C4orf51: variants seen among roughly 807,000 people sequenced by gnomAD.
C4orf51 encodes uncharacterized protein C4orf51.
C4orf51 carries 25 observed loss-of-function variants against 25.2 expected under a neutral mutation model. The observed-to-expected ratio is 0.99, with a 90% CI of 0.72 to 1.39. The LOEUF (loss-of-function observed/expected upper bound fraction) is 1.39. C4orf51 is among the 40% of genes most tolerant of loss of function. The pLI is 0.00. For synonymous variants in C4orf51, 100 were observed against 84.5 expected (o/e 1.18, Z -1.01); for missense variants, 252 against 239.6 (o/e 1.05, Z -0.34).
At chr4:145,777,203 G>T in the C4orf51 span, among the ~76,000 whole-genome samples, 1 of 152,194 alleles carries the variant, frequency 6.6e-6, no homozygotes, top group Non-Finnish European at 1.5e-5. Flanking sequence ...CAGGGGAGGA[G>T]CCCCACTGTC....
chr4:145,758,202 T>C (rs1456339645), downstream of C4orf51: 1 of 152,216 alleles, frequency 6.6e-6, no homozygotes, highest in Non-Finnish European at 1.5e-5. Flanking sequence ...TTGATGACTC[T>C]TTCCAAAGTG....
At chr4:145,725,915 A>G (rs533312472) in intron 2 of C4orf51, among the ~76,000 whole-genome samples, 104 of 152,294 alleles carry the variant, frequency 6.8e-4, no homozygotes, top group African/African-American at 2.0e-3. Flanking sequence ...AATTTTGTCA[A>G]TTTCAAGGTT....
At chr4:145,752,037 G>T (rs913740568) in intron 1 of C4orf51, among the ~76,000 whole-genome samples, 4 of 152,144 alleles carry the variant, frequency 2.6e-5, no homozygotes, top group Non-Finnish European at 4.4e-5. Flanking sequence ...GGACTCACCT[G>T]TCAGGGCAGT....
chr4:145,698,175 T>TC (rs1730193626), intron 2 of C4orf51, among the ~76,000 whole-genome samples: 1 of 152,226 alleles, frequency 6.6e-6, no homozygotes, highest in Non-Finnish European at 1.5e-5. Context: ...CAGTTTTTTT[T>TC]CTGCTATTTA....
chr4:145,723,104 C>A (rs1731833637), intron 2 of C4orf51, among the ~76,000 whole-genome samples: 1 of 152,062 alleles, frequency 6.6e-6, no homozygotes, highest in Non-Finnish European at 1.5e-5. Context: ...AACCATCACC[C>A]CTGCCCCTGC....
chr4:145,747,819 C>T (rs998708584), intron 1 of C4orf51, among the ~76,000 whole-genome samples: 2 of 150,904 alleles, frequency 1.3e-5, no homozygotes, highest in African/African-American at 4.9e-5. Context: ...CCCTCCCTCC[C>T]TCCTTCTTTC....
intron 2 of C4orf51, among the ~76,000 whole-genome samples, chr4:145,716,607 A>C (rs1731429531): frequency 6.6e-6 from 1 of 152,234 alleles, no homozygotes; most frequent in Non-Finnish European, 1.5e-5. Flanking sequence ...GTAATATCAA[A>C]TTAGGATTTG....
intron 2 of C4orf51, among the ~76,000 whole-genome samples, chr4:145,701,964 T>TC (rs569674719): frequency 6.6e-6 from 1 of 151,684 alleles, no homozygotes; most frequent in Non-Finnish European, 1.5e-5. Flanking sequence ...TCCTCTCATA[T>TC]CCCCCCACCT....
At chr4:145,728,273 G>A (rs558658313) in intron 3 of C4orf51, among the ~76,000 whole-genome samples, 4 of 151,800 alleles carry the variant, frequency 2.6e-5, no homozygotes, top group African/African-American at 4.8e-5. Flanking sequence ...CTAGTAGTGC[G>A]TGAGAGTGCC....
intron 1 of C4orf51, among the ~76,000 whole-genome samples, chr4:145,690,575 G>A (rs572934292): frequency 3.9e-5 from 6 of 152,030 alleles, no homozygotes; most frequent in Admixed American, 3.3e-4. Flanking sequence ...TGCCATAGGC[G>A]AAGAATTCAT....
At chr4:145,774,736 G>T, downstream of C4orf51, 1 of 1,538,428 alleles carries the variant, frequency 6.5e-7, no homozygotes, top group Non-Finnish European at 8.9e-7. Context: ...CTAAATGTAG[G>T]CTGTCCATTT....
chr4:145,696,950 T>C (rs1730102363), intron 2 of C4orf51, among the ~76,000 whole-genome samples: 1 of 151,754 alleles, frequency 6.6e-6, no homozygotes, highest in Admixed American at 6.6e-5. Flanking sequence ...GGCAGGAGAA[T>C]TGCTTGAACC....
In C4orf51 at chr4:145,765,496, G is replaced by A. The variant is rs555437405; in HGVS notation, n.167-5492G>A. 5 of 1,552,368 alleles carry A rather than the reference G, an allele frequency of 3.2e-6. No individual in the cohort carries two copies. The highest frequency in any genetic ancestry group is 4.3e-6 in the Non-Finnish European group (5 of 1,150,468). Reference sequence around the variant, plus strand: ...GTGCAGGGCTTATTCTCAAGAATGGGTCATCCTGGGTGCGGAGGGTTGAGC... The same window carrying A: ...GTGCAGGGCTTATTCTCAAGAATGGATCATCCTGGGTGCGGAGGGTTGAGC... On this transcript the variant is annotated intron_variant and non_coding_transcript_variant, in intron 1 of 1. Transcript: ENST00000510096. This position sits in a 1 kb window ranked among gnomAD's most constrained non-coding sequence, Gnocchi z 4.7.
chr4:145,776,025 A>G, downstream of C4orf51: 1 of 1,581,726 alleles, frequency 6.3e-7, no homozygotes, highest in Non-Finnish European at 8.7e-7. Flanking sequence ...AACACCTTGC[A>G]AGAATCAGTT....
the C4orf51 span, among the ~76,000 whole-genome samples, chr4:145,790,629 C>T: frequency 6.6e-6 from 1 of 152,192 alleles, no homozygotes; most frequent in Admixed American, 6.5e-5. Flanking sequence ...TTGGAATCCA[C>T]TGGTATCCTC....
rs1728773353 is a variant in C4orf51, at chr4:145,680,560, T to C, written c.233+124T>C. 5 of 688,726 alleles carry C rather than the reference T, an allele frequency of 7.3e-6. No homozygotes were observed. In the Admixed American group the frequency reaches 1.1e-4, roughly 16 times the overall value. 42.7% of individuals were successfully genotyped at this position (688,726 alleles called of 1,614,324 possible). ...GACTTTAACCCTCTGTATTTTCTTTTGTAAATGTCAGCAGGAAGAAGAGCT... is the reference window on the plus strand; with the variant it reads ...GACTTTAACCCTCTGTATTTTCTTTCGTAAATGTCAGCAGGAAGAAGAGCT... On this transcript the variant is annotated intron_variant, in intron 1 of 5. Coordinates refer to ENST00000438731, the MANE Select transcript of C4orf51 (RefSeq NM_001080531.3).
chr4:145,722,932 C>T (rs1483904691), intron 2 of C4orf51, among the ~76,000 whole-genome samples: 2 of 152,172 alleles, frequency 1.3e-5, no homozygotes, highest in African/African-American at 2.4e-5. Context: ...GTCACTGTCT[C>T]CTATCACCCC....
At chr4:145,719,519 G>T (rs1011385838) in intron 2 of C4orf51, among the ~76,000 whole-genome samples, 2 of 151,040 alleles carry the variant, frequency 1.3e-5, no homozygotes, top group Admixed American at 1.3e-4. Flanking sequence ...GCAGGAGAAT[G>T]GCGTGAACCC....
intron 2 of C4orf51, among the ~76,000 whole-genome samples, chr4:145,714,754 T>G (rs1731312356): frequency 6.6e-6 from 1 of 152,224 alleles, no homozygotes; most frequent in African/African-American, 2.4e-5. Flanking sequence ...TGGCTTTGCC[T>G]TTGGAGATAT....
Sources: allele counts gnomAD v4.1 joint callset (sites outside exome capture counted in the v4.1 genomes callset), GRCh38; gene constraint gnomAD v4.1.1; non-coding constraint Gnocchi (gnomAD v3.1); transcripts MANE v1.5; gene names NCBI Gene and HGNC (gene_info 2026-07-23, HGNC 2026-07-21).